The following DYSF variants were observed in gnomAD, a reference collection of about 807,000 sequenced individuals.
The protein encoded by DYSF is dysferlin, also known as dystrophy-associated fer-1-like 1.
In DYSF, 212 loss-of-function variants were observed where a neutral mutation model predicts 274.9. The observed-to-expected ratio is 0.77, with a 90% CI of 0.69 to 0.86. DYSF has a LOEUF of 0.86. Ranked by LOEUF, DYSF falls within the 40% of genes least tolerant of loss-of-function variation. The pLI is 0.00. For missense variants in DYSF, 2,666 were observed against 2,783.2 expected (o/e 0.96, Z 0.95); for synonymous variants, 1,091 against 1,078.7 (o/e 1.01, Z -0.22).
Position 71,564,134 on chromosome 2 carries a change from CCCA to C in DYSF, c.2490_2492del (p.His830del), listed in dbSNP as rs1479636314. The C allele has an allele frequency of 6.2e-7, 1 of 1,614,140 alleles. No homozygotes were observed. The highest frequency in any genetic ancestry group is 8.5e-7 in the Non-Finnish European group (1 of 1,180,056). On this transcript the variant is annotated inframe_deletion, in exon 24 of 56. Coordinates refer to ENST00000410020, the MANE Select transcript of DYSF (RefSeq NM_001130987.2). ...CGTGTGGCATACCAGCGGGTGCCCG[CCCA>C]CCAAGTCCTCTTCTCCCGGCGGGGT...
chr2:71,537,572 T>C (rs538853093), intron 16 of DYSF, among the ~76,000 whole-genome samples: 6 of 152,294 alleles, frequency 3.9e-5, no homozygotes, highest in Admixed American at 3.9e-4. Flanking sequence ...TATCATTTAC[T>C]TGGAAAAATG....
chr2:71,503,442 G>A, intron 4 of DYSF, 123 bp downstream of exon 4: 2 of 1,003,282 alleles, frequency 2.0e-6, no homozygotes, highest in Admixed American at 1.9e-5. Flanking sequence ...AGCAGGCCTG[G>A]CCCTCCCTGA....
chr2:71,617,451 G>C (rs1295969421), intron 40 of DYSF, among the ~76,000 whole-genome samples: 1 of 152,232 alleles, frequency 6.6e-6, no homozygotes, highest in African/African-American at 2.4e-5. Flanking sequence ...GTGAACAGGG[G>C]AGGACAGGGA....
chr2:71,574,466 GT>G, intron 30 of DYSF, 95 bp downstream of exon 30: 1 of 1,483,026 alleles, frequency 6.7e-7, no homozygotes. Context: ...GGGACCCCAG[GT>G]TAGGACTTTT....
chr2:71,684,605 G>T (rs759281767), intron 55 of DYSF, among the ~76,000 whole-genome samples: 3 of 152,232 alleles, frequency 2.0e-5, no homozygotes, highest in Non-Finnish European at 4.4e-5. Context: ...GGCTCAGGCC[G>T]TGGGAGTTTA....
chr2:71,543,081 C>G (rs1189601571), intron 17 of DYSF, among the ~76,000 whole-genome samples: 1 of 132,202 alleles, frequency 7.6e-6, no homozygotes. Flanking sequence ...AGCTGCCGGG[C>G]GGAGACGCTC....
Position 71,658,526 on chromosome 2 carries a change from T to A in DYSF, c.4756-352T>A, listed in dbSNP as rs181496139. On this transcript the variant is annotated intron_variant, in intron 43 of 55. Coordinates refer to ENST00000410020, the MANE Select transcript of DYSF (RefSeq NM_001130987.2). ...CTGCTGATGAAGACATACCCAAGAC[T>A]TGGAAGAAAAAGAGGTTTAATTGAA... 1.3e-3 allele frequency among the ~76,000 whole-genome samples: 199 copies of A among 152,304 alleles called. 1 individual carries two copies. Among genetic ancestry groups the A allele is most frequent in the Non-Finnish European group, 1.7e-3 (119 of 68,034 alleles).
intron 37 of DYSF, 27 bp downstream of exon 37, chr2:71,611,373 G>A (rs779512637): frequency 1.2e-6 from 2 of 1,613,822 alleles, no homozygotes; most frequent in Admixed American, 1.7e-5. Flanking sequence ...TGGGCGTGGG[G>A]GCTGGGAGCA....
intron 1 of DYSF, among the ~76,000 whole-genome samples, chr2:71,468,942 G>A (rs933782002): frequency 6.6e-6 from 1 of 152,202 alleles, no homozygotes; most frequent in East Asian, 1.9e-4. Context: ...CCATCCTCCA[G>A]GTGTGCCTGG....
intron 42 of DYSF, among the ~76,000 whole-genome samples, chr2:71,646,688 C>G (rs2094572741): frequency 6.6e-6 from 1 of 152,208 alleles, no homozygotes; most frequent in African/African-American, 2.4e-5. Flanking sequence ...GCATTAAAAA[C>G]AGAAACCACA....
At chr2:71,683,794 CT>C (rs2095325029) in intron 55 of DYSF, among the ~76,000 whole-genome samples, 1 of 152,360 alleles carries the variant, frequency 6.6e-6, no homozygotes, top group East Asian at 1.9e-4. Context: ...CAGGTGAGCT[CT>C]TTGCTCTGTG....
intron 51 of DYSF, among the ~76,000 whole-genome samples, chr2:71,673,368 C>T (rs1350443962): frequency 2.0e-5 from 3 of 152,164 alleles, no homozygotes; most frequent in Admixed American, 2.0e-4. Flanking sequence ...TGACCTTGTT[C>T]CAGGCGAGCT....
At chr2:71,594,474 C>G (rs141632968) in intron 32 of DYSF, among the ~76,000 whole-genome samples, 1 of 152,278 alleles carries the variant, frequency 6.6e-6, no homozygotes, top group East Asian at 1.9e-4. Flanking sequence ...CCTGTTTAAT[C>G]TGTTTAAGCA....
chr2:71,581,695 T>C (rs1299187165), intron 30 of DYSF, among the ~76,000 whole-genome samples: 5 of 152,248 alleles, frequency 3.3e-5, no homozygotes, highest in African/African-American at 1.2e-4. Context: ...ATTTGCTGTG[T>C]AGCCCCAGGG....
At chr2:71,600,358 G>T (rs775279575) in intron 33 of DYSF, among the ~76,000 whole-genome samples, 4 of 152,234 alleles carry the variant, frequency 2.6e-5, no homozygotes, top group Admixed American at 2.0e-4. Context: ...ACTGCTGAGC[G>T]CATTAGAGAA....
intron 46 of DYSF, 131 bp from the exon 47 acceptor site, chr2:71,665,031 A>C: frequency 2.1e-6 from 3 of 1,428,086 alleles, no homozygotes; most frequent in Non-Finnish European, 2.9e-6. Context: ...GTGAGCAATC[A>C]GATGGGACAC....
chr2:71,611,495 A>T lies in DYSF; in HGVS notation c.4090A>T (p.Ser1364Cys). The change falls in exon 38 of 56, where the codon AGT becomes TGT. Residue 1364 changes from serine to cysteine, a missense_variant. This residue lies in a region of DYSF where 1,460 missense variants were observed against 1,502.1 expected (regional missense o/e 0.97). Coordinates refer to ENST00000410020, the MANE Select transcript of DYSF (RefSeq NM_001130987.2). ...ILAWGLRNMK[S>C]YQLANISSPS... ...GGCATGGGGCCTGCGGAACATGAAG[A>T]GTTACCAGCTGGCCAACATCTCCTC... The T allele has an allele frequency of 6.2e-7, 1 of 1,614,092 alleles. No individual in the cohort carries two copies. The highest frequency in any genetic ancestry group is 2.2e-5 in the East Asian group (1 of 44,868).
chr2:71,470,397 G>T (rs375651426), intron 1 of DYSF, among the ~76,000 whole-genome samples: 42 of 152,126 alleles, frequency 2.8e-4, no homozygotes, highest in African/African-American at 9.4e-4. Flanking sequence ...CAGCGGCCAG[G>T]CGTGGTGGCT....
At chr2:71,556,134 G>GGAGT in intron 22 of DYSF, 63 bp downstream of exon 22, 1 of 1,391,244 alleles carries the variant, frequency 7.2e-7, no homozygotes, top group Non-Finnish European at 9.9e-7. Flanking sequence ...TGTTTCGCTG[G>GGAGT]GAGTGCTCGT....
Sources: gnomAD v4.1 joint callset for allele counts (sites outside exome capture counted in the v4.1 genomes callset) on GRCh38, gnomAD v4.1.1 for gene constraint, gnomAD v4.1.1 regional missense constraint, MANE v1.5 for transcripts, NCBI Gene and HGNC (gene_info 2026-07-23, HGNC 2026-07-21) for gene names.